LRRC4C: variants seen among roughly 807,000 people sequenced by gnomAD.
The protein encoded by LRRC4C is leucine-rich repeat-containing protein 4C.
Under a neutral mutation model 33.6 loss-of-function variants are expected in LRRC4C, and 5 were observed. The ratio of observed to expected loss-of-function variants is 0.15; its 90% confidence interval spans 0.08 to 0.31. LRRC4C has a LOEUF of 0.31. LRRC4C is among the 10% of genes least tolerant of loss of function. LRRC4C has a pLI of 1.00. For synonymous variants in LRRC4C, 329 were observed against 302.0 expected (o/e 1.09, Z -0.93); for missense variants, 560 against 796.7 (o/e 0.70, Z 3.58).
intron 2 of LRRC4C, among the ~76,000 whole-genome samples, chr11:40,825,940 TGG>T (rs544490106): frequency 4.1e-4 from 11 of 26,924 alleles, no homozygotes; most frequent in Admixed American, 1.1e-3. Context: ...TATTGTATTC[TGG>T]GGGGGGGGCG....
Position 41,457,020 on chromosome 11 carries a change from G to A in LRRC4C, c.-496+2411C>T, listed in dbSNP as rs540617915. Among the ~76,000 whole-genome samples the A allele has an allele frequency of 5.9e-5, 9 of 152,296 alleles. No individual in the cohort carries two copies. The East Asian group carries it at 1.7e-3, about 29-fold the overall frequency. On this transcript the variant is annotated intron_variant, in intron 1 of 6. Transcript: ENST00000528697. ...TTACTAGCCTAAAATAAGTGATCAT[G>A]AAAGTGTTGCTATCGCTAAAAGATT...
chr11:40,421,427 T>C (rs942970170), intron 3 of LRRC4C, among the ~76,000 whole-genome samples: 2 of 152,196 alleles, frequency 1.3e-5, no homozygotes, highest in African/African-American at 4.8e-5. Flanking sequence ...AGCCAGTCGC[T>C]TGTGGGCAAC....
intron 2 of LRRC4C, among the ~76,000 whole-genome samples, chr11:40,896,720 AT>A (rs1418769256): frequency 9.9e-5 from 15 of 152,124 alleles, no homozygotes; most frequent in African/African-American, 3.6e-4. Flanking sequence ...ACCAAGAAAA[AT>A]AATATAGTGA....
chr11:40,487,000 T>C (rs943372620), intron 3 of LRRC4C, among the ~76,000 whole-genome samples: 41 of 151,932 alleles, frequency 2.7e-4, no homozygotes, highest in Non-Finnish European at 1.3e-4. Flanking sequence ...CCTTTGCAAA[T>C]AGGGGAAGCC....
intron 3 of LRRC4C, among the ~76,000 whole-genome samples, chr11:40,464,708 C>G (rs746080849): frequency 6.6e-6 from 1 of 151,776 alleles, no homozygotes; most frequent in African/African-American, 2.4e-5. Flanking sequence ...CCAAATCAAT[C>G]AGTCAATCCC....
chr11:40,703,743 G>A (rs1946001629), intron 2 of LRRC4C, among the ~76,000 whole-genome samples: 1 of 152,162 alleles, frequency 6.6e-6, no homozygotes, highest in Admixed American at 6.5e-5. Context: ...TTTCATTCAA[G>A]CCTGGAGATG....
chr11:40,724,548 A>C (rs1947192885), intron 2 of LRRC4C, among the ~76,000 whole-genome samples: 1 of 152,136 alleles, frequency 6.6e-6, no homozygotes, highest in African/African-American at 2.4e-5. Context: ...AAAAAAAATT[A>C]TTGGCAATAA....
At chr11:40,700,204 A>G (rs1945799930) in intron 2 of LRRC4C, among the ~76,000 whole-genome samples, 1 of 152,164 alleles carries the variant, frequency 6.6e-6, no homozygotes, top group Non-Finnish European at 1.5e-5. Flanking sequence ...CCCTCGAGCC[A>G]TCTACTTTCC....
intron 1 of LRRC4C, among the ~76,000 whole-genome samples, chr11:40,995,497 C>G (rs1315426964): frequency 1.3e-5 from 2 of 152,060 alleles, no homozygotes; most frequent in African/African-American, 4.8e-5. Context: ...TAGGAGATAT[C>G]TTTCATCCTT....
intron 1 of LRRC4C, among the ~76,000 whole-genome samples, chr11:41,369,094 T>C (rs1354906951): frequency 6.6e-6 from 1 of 152,112 alleles, no homozygotes; most frequent in East Asian, 1.9e-4. Flanking sequence ...CAAGCACCAA[T>C]CATATGTTAA....
intron 3 of LRRC4C, among the ~76,000 whole-genome samples, chr11:40,493,761 C>A (rs189991251): frequency 6.6e-6 from 1 of 152,120 alleles, no homozygotes; most frequent in African/African-American, 2.4e-5. Context: ...GCAATACCAA[C>A]CAACTAAGGT....
chr11:41,099,129 A>G (rs1941000764), intron 1 of LRRC4C, among the ~76,000 whole-genome samples: 1 of 152,092 alleles, frequency 6.6e-6, no homozygotes. Context: ...CCCAAGACTG[A>G]ACTAGTAAGA....
intron 1 of LRRC4C, among the ~76,000 whole-genome samples, chr11:41,314,495 A>T (rs1032125986): frequency 6.6e-6 from 1 of 152,160 alleles, no homozygotes; most frequent in African/African-American, 2.4e-5. Context: ...CTGTTATAAA[A>T]AGACTCAAGA....
chr11:40,189,191 ATTTC>A (rs1337655201), intron 5 of LRRC4C, among the ~76,000 whole-genome samples: 1 of 151,868 alleles, frequency 6.6e-6, no homozygotes, highest in African/African-American at 2.4e-5. Context: ...TAAAAATGAG[ATTTC>A]TTTGTTTCTT....
rs577751556 is a variant in LRRC4C, at chr11:40,470,416, T to C, written c.-269-150695A>G. 3.1e-4 allele frequency among the ~76,000 whole-genome samples: 47 copies of C among 152,188 alleles called. No homozygotes were observed. In the South Asian group the frequency reaches 9.5e-3, roughly 31 times the overall value. On this transcript the variant is annotated intron_variant, in intron 3 of 6. Coordinates refer to ENST00000528697, the MANE Select transcript of LRRC4C (RefSeq NM_001258419.2). ...CAAAGACCAAAGGTAGAAAAATCCA[T>C]GAAGATGAGAAAAAACCAGCTCAAA...
At chr11:40,533,901 A>G (rs1221766996) in intron 3 of LRRC4C, among the ~76,000 whole-genome samples, 3 of 152,142 alleles carry the variant, frequency 2.0e-5, no homozygotes. Flanking sequence ...CAAAATGAGG[A>G]TAATACCTGC....
intron 3 of LRRC4C, among the ~76,000 whole-genome samples, chr11:40,504,672 T>C (rs1954944083): frequency 6.6e-6 from 1 of 152,186 alleles, no homozygotes; most frequent in Admixed American, 6.5e-5. Flanking sequence ...AAATAATTAT[T>C]TTGGTCTAAA....
intron 3 of LRRC4C, among the ~76,000 whole-genome samples, chr11:40,343,009 G>A (rs1015756532): frequency 4.0e-5 from 6 of 151,836 alleles, no homozygotes; most frequent in South Asian, 2.1e-4. Context: ...ACTTGCTACC[G>A]CATTTTTTTA....
intron 3 of LRRC4C, among the ~76,000 whole-genome samples, chr11:40,450,408 T>C (rs1951831283): frequency 6.6e-6 from 1 of 152,188 alleles, no homozygotes. Context: ...TGGATTTCTA[T>C]ATTATAGCTC....
Sources: allele counts gnomAD v4.1 joint callset (sites outside exome capture counted in the v4.1 genomes callset), GRCh38; gene constraint gnomAD v4.1.1; transcripts MANE v1.5; gene names NCBI Gene and HGNC (gene_info 2026-07-23, HGNC 2026-07-21).